Variants in AFTPH observed in about 807,000 individuals in gnomAD.
AFTPH encodes the protein aftiphilin.
Under a neutral mutation model 72.5 loss-of-function variants are expected in AFTPH, and 7 were observed. The observed-to-expected ratio is 0.10, with a 90% CI of 0.05 to 0.18. The LOEUF (loss-of-function observed/expected upper bound fraction) is 0.18, where lower values mean the gene tolerates loss of function less well. Among genes scored for constraint, AFTPH ranks in the 10% least tolerant of loss-of-function variants. The probability of loss-of-function intolerance (pLI) is 1.00; values close to 1 mark genes in which losing one functional copy is unlikely to be tolerated. For missense variants in AFTPH, 979 were observed against 1,060.5 expected (o/e 0.92, Z 1.07); for synonymous variants, 337 against 370.1 (o/e 0.91, Z 1.03).
At chr2:64,527,431 T>C (rs936409561) in intron 1 of AFTPH, among the ~76,000 whole-genome samples, 2 of 151,998 alleles carry the variant, frequency 1.3e-5, no homozygotes, top group Admixed American at 6.6e-5. Context: ...AAATACAAAA[T>C]TAGCCGGGTG....
intron 6 of AFTPH, among the ~76,000 whole-genome samples, chr2:64,576,567 C>T (rs1672815275): frequency 6.6e-6 from 1 of 152,142 alleles, no homozygotes; most frequent in African/African-American, 2.4e-5. Context: ...CATTGTGCCA[C>T]TACTGATTTC....
At chr2:64,574,394 A>G (rs1283100345) in intron 6 of AFTPH, among the ~76,000 whole-genome samples, 1 of 146,854 alleles carries the variant, frequency 6.8e-6, no homozygotes, top group Non-Finnish European at 1.5e-5. Flanking sequence ...TAGAGATCAC[A>G]ACACACATTA....
Position 64,548,121 on chromosome 2 carries a change from C to T in AFTPH, c.-32-3322C>T, listed in dbSNP as rs553959398. On this transcript the variant is annotated intron_variant, in intron 1 of 8. Transcript: ENST00000238856. ...TAAACTTTAGAAAAAGGGCCGGGCGCGGTGGCTCACGCCTGTAATCCCAGC... is the reference window on the plus strand; with the variant it reads ...TAAACTTTAGAAAAAGGGCCGGGCGTGGTGGCTCACGCCTGTAATCCCAGC... 5.1e-5 allele frequency among the ~76,000 whole-genome samples: 7 copies of T among 136,174 alleles called. No homozygotes were observed. In the South Asian group the frequency reaches 1.1e-3, roughly 21 times the overall value. 89.3% of individuals were successfully genotyped at this position (136,174 alleles called of 152,430 possible). A position where few individuals can be genotyped will look rare whatever the true frequency, so the allele number is the denominator to read the frequency against.
chr2:64,579,778 C>T (rs1238320350), intron 7 of AFTPH: 1 of 386,974 alleles, frequency 2.6e-6, no homozygotes. Flanking sequence ...ATTTTAGTTT[C>T]AGTCAAAAGT....
chr2:64,585,579 G>C, intron 8 of AFTPH, 34 bp downstream of exon 9: 1 of 1,566,430 alleles, frequency 6.4e-7, no homozygotes, highest in Non-Finnish European at 8.6e-7. Flanking sequence ...CCCACATTTT[G>C]AATTCTGAGA....
chr2:64,546,981 G>C (rs575359072), intron 1 of AFTPH, among the ~76,000 whole-genome samples: 96 of 152,136 alleles, frequency 6.3e-4, no homozygotes, highest in Non-Finnish European at 1.2e-3. Context: ...CCCGGGAGGC[G>C]GAGCTTGCAG....
At chr2:64,540,805 G>A (rs1670205789) in intron 1 of AFTPH, among the ~76,000 whole-genome samples, 2 of 151,816 alleles carry the variant, frequency 1.3e-5, no homozygotes, top group East Asian at 3.9e-4. Context: ...CTCATATTTT[G>A]TACTATATAC....
intron 5 of AFTPH, among the ~76,000 whole-genome samples, chr2:64,569,884 G>T (rs1036135629): frequency 6.6e-6 from 1 of 152,040 alleles, no homozygotes; most frequent in African/African-American, 2.4e-5. Context: ...TACAGATACT[G>T]TTTTTAGATT....
Position 64,540,645 on chromosome 2 carries a change from A to G in AFTPH, c.-32-10798A>G, listed in dbSNP as rs540089127. On this transcript the variant is annotated intron_variant, in intron 1 of 8. Coordinates refer to ENST00000238856, the Ensembl canonical transcript of AFTPH. Reference sequence around the variant, plus strand: ...GTGTGTTGCAGCTCATGTAACTGACATTATATATATATTTTTACTTTTATG... The same window carrying G: ...GTGTGTTGCAGCTCATGTAACTGACGTTATATATATATTTTTACTTTTATG... 3.3e-5 allele frequency among the ~76,000 whole-genome samples: 5 copies of G among 152,262 alleles called. No individual in the cohort carries two copies. In the East Asian group the frequency reaches 9.6e-4, roughly 29 times the overall value.
intron 1 of AFTPH, among the ~76,000 whole-genome samples, chr2:64,528,535 G>A (rs1367991791): frequency 6.6e-6 from 1 of 152,178 alleles, no homozygotes; most frequent in Non-Finnish European, 1.5e-5. Flanking sequence ...AATCAGTTTT[G>A]GGGGATAGGG....
chr2:64,542,210 G>C (rs1387864545), intron 1 of AFTPH, among the ~76,000 whole-genome samples: 1 of 152,130 alleles, frequency 6.6e-6, no homozygotes, highest in Admixed American at 6.5e-5. Flanking sequence ...ATTCTGGAAA[G>C]ATTGCTAGAG....
At position 64,567,729 on chromosome 2, in the gene AFTPH, T is replaced by A; in HGVS notation, c.2087+16T>A. 1 of 1,589,422 alleles carries A rather than the reference T, an allele frequency of 6.3e-7. No individual in the cohort carries two copies. The highest frequency in any genetic ancestry group is 1.1e-5 in the South Asian group (1 of 86,970). On this transcript the variant is annotated intron_variant, in intron 3 of 8. Coordinates refer to ENST00000238856, the Ensembl canonical transcript of AFTPH. ...CTGAAAGTGGGTAAGTAGGAGACTG[T>A]TTTTAGATAGCATGTGTTTTTGTTA...
At chr2:64,592,147 C>A in exon 9 of AFTPH, 2 of 1,143,508 alleles carry the variant, frequency 1.7e-6, no homozygotes, top group Non-Finnish European at 2.4e-6. Context: ...TCAAGTTCAG[C>A]TGATTTGTTG....
intron 2 of AFTPH, among the ~76,000 whole-genome samples, chr2:64,564,674 G>GATCT (rs1163603952): frequency 6.6e-6 from 1 of 151,840 alleles, no homozygotes; most frequent in Non-Finnish European, 1.5e-5. Context: ...TTGGCCCCTG[G>GATCT]ATCTATAGCC....
At chr2:64,545,541 A>G (rs924016799) in intron 1 of AFTPH, among the ~76,000 whole-genome samples, 1 of 140,748 alleles carries the variant, frequency 7.1e-6, no homozygotes, top group African/African-American at 2.5e-5. Flanking sequence ...ACAAACTGGT[A>G]TATCTGTACA....
intron 8 of AFTPH, among the ~76,000 whole-genome samples, chr2:64,589,072 T>C: frequency 6.6e-6 from 1 of 152,204 alleles, no homozygotes; most frequent in East Asian, 1.9e-4. Flanking sequence ...TTTGATAAGA[T>C]CTAATTTTTC....
chr2:64,536,780 CTG>C (rs1669914957), intron 1 of AFTPH, among the ~76,000 whole-genome samples: 1 of 151,486 alleles, frequency 6.6e-6, no homozygotes, highest in South Asian at 2.1e-4. Flanking sequence ...TGGCGAAACA[CTG>C]TCTCTACAAA....
intron 1 of AFTPH, among the ~76,000 whole-genome samples, chr2:64,525,214 G>T (rs1168789316): frequency 6.6e-6 from 1 of 152,160 alleles, no homozygotes; most frequent in Non-Finnish European, 1.5e-5. Context: ...AATTATCTGC[G>T]TCTCCTCTCC....
At chr2:64,581,409 T>TGTTA in intron 7 of AFTPH, 136 bp downstream of exon 8, 1 of 680,714 alleles carries the variant, frequency 1.5e-6, no homozygotes, top group South Asian at 2.7e-5. Context: ...TTTCATCTGT[T>TGTTA]GTTATTTTCT....
Sources: gnomAD v4.1 joint callset for allele counts (sites outside exome capture counted in the v4.1 genomes callset) on GRCh38, gnomAD v4.1.1 for gene constraint, MANE v1.5 for transcripts, NCBI Gene and HGNC (gene_info 2026-07-23, HGNC 2026-07-21) for gene names.